Variants in AKIRIN1 observed in about 807,000 individuals in gnomAD.
AKIRIN1 encodes the protein akirin-1.
AKIRIN1 carries 4 observed loss-of-function variants against 25.9 expected under a neutral mutation model. The ratio of observed to expected loss-of-function variants is 0.15; its 90% CI spans 0.08 to 0.35. The LOEUF (loss-of-function observed/expected upper bound fraction) is 0.35, where lower values mean the gene tolerates loss of function less well. Among genes scored for constraint, AKIRIN1 ranks in the 10% least tolerant of loss-of-function variants. The probability of loss-of-function intolerance (pLI) is 1.00; values close to 1 mark genes in which losing one functional copy is unlikely to be tolerated. For synonymous variants in AKIRIN1, 125 were observed against 105.1 expected (o/e 1.19, Z -1.16); for missense variants, 243 against 266.1 (o/e 0.91, Z 0.61).
At position 39,004,509 on chromosome 1, in the gene AKIRIN1, A is replaced by G. The variant is rs114649333; in HGVS notation, c.*454A>G. 1.3e-3 allele frequency: 370 copies of G among 287,356 alleles called. 3 individuals are homozygous for G. The highest frequency in any genetic ancestry group is 7.8e-3 in the African/African-American group (350 of 44,590). The allele number at this position is 287,356 out of a possible 1,614,324, so 17.8% of individuals were successfully genotyped here. A position where few individuals can be genotyped will look rare whatever the true frequency, so the allele number is the denominator to read the frequency against. ...TTGGTGCACGACAATTATGGTAAAA[A>G]AACATTTGCTTGGTCTAAAGAAGAT... On this transcript the variant is annotated 3_prime_UTR_variant, in exon 5 of 5. Transcript: ENST00000432648.
Position 39,004,273 on chromosome 1 carries a change from C to G in AKIRIN1, c.*218C>G, listed in dbSNP as rs770413746. 2.5e-5 allele frequency: 17 copies of G among 692,182 alleles called. No homozygotes were observed. The highest frequency in any genetic ancestry group is 2.3e-4 in the South Asian group (15 of 66,060). The allele number at this position is 692,182 out of a possible 1,614,324, so 42.9% of individuals were successfully genotyped here. A position where few individuals can be genotyped will look rare whatever the true frequency, so the allele number is the denominator to read the frequency against. On this transcript the variant is annotated 3_prime_UTR_variant, in exon 5 of 5. Coordinates refer to ENST00000432648, the MANE Select transcript of AKIRIN1 (RefSeq NM_024595.3). Reference sequence around the variant, plus strand: ...CTGCTCATCCAATAAACAGCTGTGCCCTACTGTGATAGATTTTCCAAACAA... The same window carrying G: ...CTGCTCATCCAATAAACAGCTGTGCGCTACTGTGATAGATTTTCCAAACAA...
chr1:38,995,119 G>T (rs1484085701), intron 1 of AKIRIN1, among the ~76,000 whole-genome samples: 2 of 152,092 alleles, frequency 1.3e-5, no homozygotes, highest in South Asian at 4.1e-4. Context: ...GAGCCACTGC[G>T]CCTGGCTAGC....
chr1:38,998,064 A>C, intron 1 of AKIRIN1, 107 bp from the exon 2 acceptor site: 4 of 1,225,528 alleles, frequency 3.3e-6, no homozygotes, highest in Middle Eastern at 2.9e-4. Flanking sequence ...TGCCAAAGGG[A>C]GTATCTAAAG....
chr1:39,000,733 T>C (rs969601870), intron 2 of AKIRIN1, among the ~76,000 whole-genome samples: 5 of 151,958 alleles, frequency 3.3e-5, no homozygotes, highest in Non-Finnish European at 7.4e-5. Flanking sequence ...CTTGACTCAC[T>C]GCAACCGCCA....
At chr1:38,999,859 T>C (rs946219483) in intron 2 of AKIRIN1, among the ~76,000 whole-genome samples, 3 of 133,924 alleles carry the variant, frequency 2.2e-5, no homozygotes, top group African/African-American at 8.0e-5. Flanking sequence ...TGTTTTGTTT[T>C]GTTTTTTTGT....
intron 1 of AKIRIN1, among the ~76,000 whole-genome samples, chr1:38,996,706 T>A (rs915316882): frequency 6.6e-6 from 1 of 152,042 alleles, no homozygotes; most frequent in Non-Finnish European, 1.5e-5. Flanking sequence ...AATTTTTTTA[T>A]TTTTAGTAGA....
In AKIRIN1 at chr1:39,004,255, T is replaced by G. The variant is rs772754035; in HGVS notation, c.*200T>G. The G allele has an allele frequency of 1.4e-6, 1 of 711,826 alleles. No homozygotes were observed. The highest frequency in any genetic ancestry group is 2.0e-5 in the Admixed American group (1 of 49,790). 44.1% of individuals were successfully genotyped at this position (711,826 alleles called of 1,614,324 possible). On this transcript the variant is annotated 3_prime_UTR_variant, in exon 5 of 5. Transcript: ENST00000432648. The stretch of plus-strand genomic sequence containing the variant: ...CAAGCATATCTTTCTTTTCTGCTCA[T>G]CCAATAAACAGCTGTGCCCTACTGT...
chr1:38,992,601 G>C (rs1347443757), intron 1 of AKIRIN1, among the ~76,000 whole-genome samples: 1 of 151,906 alleles, frequency 6.6e-6, no homozygotes, highest in Non-Finnish European at 1.5e-5. Flanking sequence ...AATGCAAATT[G>C]CAGGCCCTCA....
chr1:38,998,078 A>T, intron 1 of AKIRIN1, 93 bp from the exon 2 acceptor site: 1 of 1,356,302 alleles, frequency 7.4e-7, no homozygotes, highest in Non-Finnish European at 1.0e-6. Flanking sequence ...TCTAAAGTCT[A>T]GTCAGAAGAT....
chr1:38,991,424 C>T lies in AKIRIN1; in HGVS notation c.44C>T (p.Ala15Val), dbSNP rs1352559368. ...CTGAAGCGGCCCATGGAGTTCGAGG[C>T]GGCGCTGCTGAGCCCCGGCTCCCCG... ...ATLKRPMEFE[A>V]ALLSPGSPKR... The change falls in exon 1 of 5, where the codon GCG becomes GTG. Residue 15 changes from alanine to valine, a missense_variant. Ala to Val is a moderately conservative substitution (Grantham distance 64). Transcript: ENST00000432648. 4.4e-6 allele frequency: 6 copies of T among 1,361,676 alleles called. No individual in the cohort carries two copies. The highest frequency in any genetic ancestry group is 3.1e-5 in the African/African-American group (2 of 65,474). 84.3% of individuals were successfully genotyped at this position (1,361,676 alleles called of 1,614,324 possible). A position where few individuals can be genotyped will look rare whatever the true frequency, so the allele number is the denominator to read the frequency against.
intron 3 of AKIRIN1, among the ~76,000 whole-genome samples, chr1:39,002,448 A>G (rs1644000692): frequency 6.6e-6 from 1 of 152,126 alleles, no homozygotes; most frequent in Non-Finnish European, 1.5e-5. Flanking sequence ...AAGAAGGTCT[A>G]GGCCGGGCGC....
At chr1:38,993,975 C>T (rs1407427279) in intron 1 of AKIRIN1, among the ~76,000 whole-genome samples, 1 of 151,232 alleles carries the variant, frequency 6.6e-6, no homozygotes, top group Non-Finnish European at 1.5e-5. Flanking sequence ...GAGGTTGAGG[C>T]AGGAGAATCG....
intron 2 of AKIRIN1, among the ~76,000 whole-genome samples, chr1:39,000,345 C>CTTTTTTT (rs3078308): frequency 1.6e-4 from 21 of 128,278 alleles, no homozygotes; most frequent in Non-Finnish European, 2.4e-4. Flanking sequence ...TTTTCTTTTT[C>CTTTTTTT]TTTTTTTTTT....
rs1288184107 is a variant in AKIRIN1, at chr1:38,991,343, C to G, written c.-38C>G. ...TGAGGAGCCTCTTGGGCCGCACTTA[C>G]CGCCGCGTCCGCTCCCGGTCCCTGG... On this transcript the variant is annotated 5_prime_UTR_variant, in exon 1 of 5. Coordinates refer to ENST00000432648, the MANE Select transcript of AKIRIN1 (RefSeq NM_024595.3). The G allele has an allele frequency of 1.5e-6, 2 of 1,333,316 alleles. No homozygotes were observed. Among genetic ancestry groups the G allele is most frequent in the Admixed American group, 3.9e-5 (1 of 25,656 alleles). The allele number at this position is 1,333,316 out of a possible 1,614,324, so 82.6% of individuals were successfully genotyped here. A position where few individuals can be genotyped will look rare whatever the true frequency, so the allele number is the denominator to read the frequency against.
At chr1:38,994,509 T>C (rs1643931895) in intron 1 of AKIRIN1, among the ~76,000 whole-genome samples, 1 of 151,870 alleles carries the variant, frequency 6.6e-6, no homozygotes, top group Non-Finnish European at 1.5e-5. Flanking sequence ...TAGCTGAGTC[T>C]TTTTTTGTTG....
chr1:38,998,919 A>G (rs1403354841), intron 2 of AKIRIN1, among the ~76,000 whole-genome samples: 2 of 152,126 alleles, frequency 1.3e-5, no homozygotes, highest in Non-Finnish European at 2.9e-5. Context: ...CAGGTTCAGT[A>G]GTCACATTTC....
chr1:39,000,991 G>A lies in AKIRIN1; in HGVS notation c.381G>A (p.Lys127=). ...GGCCAGGTTCCTCATGGATGAAGAA[G>A]GACCAGCCCACATTTACCCTCCGAC... The part of the protein sequence containing the change: ...PSSPGSSWMK[K]DQPTFTLRQV... Residue 127 remains lysine (K), a synonymous_variant, in exon 3 of 5, where the codon AAG becomes AAA. Transcript: ENST00000432648. 6.2e-7 allele frequency: 1 copy of A among 1,612,258 alleles called. No homozygotes were observed. The highest frequency in any genetic ancestry group is 8.5e-7 in the Non-Finnish European group (1 of 1,179,344).
At chr1:39,001,283 CTTTT>C (rs768516800) in intron 3 of AKIRIN1, among the ~76,000 whole-genome samples, 177 bp downstream of exon 3, 7 of 116,528 alleles carry the variant, frequency 6.0e-5, no homozygotes, top group Non-Finnish European at 1.1e-4. Flanking sequence ...TATGGAAGGA[CTTTT>C]TTTTTTTTTT....
rs772754035 is a variant in AKIRIN1 at position 39,004,255 on chromosome 1, T to C, written c.*200T>C. 1 of 711,826 alleles carries C rather than the reference T, an allele frequency of 1.4e-6. No individual in the cohort carries two copies. The highest frequency in any genetic ancestry group is 2.6e-6 in the Non-Finnish European group (1 of 391,332). 44.1% of individuals were successfully genotyped at this position (711,826 alleles called of 1,614,324 possible). Reference sequence around the variant, plus strand: ...CAAGCATATCTTTCTTTTCTGCTCATCCAATAAACAGCTGTGCCCTACTGT... The same window carrying C: ...CAAGCATATCTTTCTTTTCTGCTCACCCAATAAACAGCTGTGCCCTACTGT... On this transcript the variant is annotated 3_prime_UTR_variant, in exon 5 of 5. Transcript: ENST00000432648.
Sources: allele counts gnomAD v4.1 joint callset (sites outside exome capture counted in the v4.1 genomes callset), GRCh38; gene constraint gnomAD v4.1.1; transcripts MANE v1.5; gene names NCBI Gene and HGNC (gene_info 2026-07-23, HGNC 2026-07-21).